Variants in IL1RAP observed in about 807,000 individuals in gnomAD.
The protein encoded by IL1RAP is interleukin 1 receptor accessory protein, also known as interleukin-1 receptor accessory protein.
Under a neutral mutation model 60.7 loss-of-function variants are expected in IL1RAP, and 35 were observed. That is an observed-to-expected ratio of 0.58 (90% confidence interval 0.44 to 0.76). IL1RAP has a LOEUF of 0.76. IL1RAP is among the 30% of genes least tolerant of loss of function. The probability of loss-of-function intolerance (pLI) is 0.00; values close to 1 mark genes in which losing one functional copy is unlikely to be tolerated. For synonymous variants in IL1RAP, 268 were observed against 250.9 expected, an observed-to-expected ratio of 1.07 and a Z score of -0.64; for missense variants, 572 against 693.9, an observed-to-expected ratio of 0.82 and a Z score of 1.97.
In IL1RAP at chr3:190,649,057, T is replaced by G. The variant is rs1410756633; in HGVS notation, c.*352T>G. ...GAGCAGCCTTTCCTATGAATTTAAA[T>G]ATGCCTTTAAAATAAGTCACTGTTG... On this transcript the variant is annotated 3_prime_UTR_variant, in exon 12 of 12. Coordinates refer to ENST00000447382, the MANE Select transcript of IL1RAP (RefSeq NM_002182.4). 1 of 999,788 alleles carries G rather than the reference T, an allele frequency of 1.0e-6. No homozygotes were observed. Among genetic ancestry groups the G allele is most frequent in the Non-Finnish European group, 1.2e-6 (1 of 839,674 alleles). 61.9% of individuals were successfully genotyped at this position (999,788 alleles called of 1,614,324 possible). A position where few individuals can be genotyped will look rare whatever the true frequency, so the allele number is the denominator to read the frequency against.
intron 1 of IL1RAP, among the ~76,000 whole-genome samples, chr3:190,545,065 T>C (rs1724254086): frequency 1.3e-5 from 2 of 152,230 alleles, no homozygotes; most frequent in Non-Finnish European, 2.9e-5. Flanking sequence ...TCTATTTACC[T>C]ACCAGGATTT....
At chr3:190,637,833 G>GT (rs372264613) in intron 9 of IL1RAP, among the ~76,000 whole-genome samples, 9,870 of 148,578 alleles carry the variant, frequency 0.066, 478 homozygotes, top group African/African-American at 0.13. Flanking sequence ...TTTTAGAATA[G>GT]TTTTTTTTTT....
At chr3:190,517,251 AT>A (rs149107571) in intron 1 of IL1RAP, among the ~76,000 whole-genome samples, 5,561 of 152,342 alleles carry the variant, frequency 0.037, 134 homozygotes, top group Non-Finnish European at 0.054. Context: ...CTAAGAAGAC[AT>A]AAAGTACAGA....
At position 190,641,257 on chromosome 3, in the gene IL1RAP, G is replaced by T. The variant is rs149309097; in HGVS notation, c.1052-2991G>T. 8.2e-3 allele frequency among the ~76,000 whole-genome samples: 1,253 copies of T among 152,266 alleles called. 22 individuals are homozygous for T. Among genetic ancestry groups the T allele is most frequent in the African/African-American group, 0.029 (1,197 of 41,542 alleles). On this transcript the variant is annotated intron_variant, in intron 9 of 11. Transcript: ENST00000447382. Reference sequence around the variant, plus strand: ...TGGGGTTACAGGCGTGAGCCACTGCGCCCGGCCTCTGATAGGAAATTCTTT... The same window carrying T: ...TGGGGTTACAGGCGTGAGCCACTGCTCCCGGCCTCTGATAGGAAATTCTTT...
At chr3:190,537,473 G>A (rs9876551) in intron 1 of IL1RAP, among the ~76,000 whole-genome samples, 15,138 of 152,094 alleles carry the variant, frequency 0.1, 1,071 homozygotes, top group East Asian at 0.36. Context: ...CAGTAAATAC[G>A]AATGATTTGT....
intron 3 of IL1RAP, among the ~76,000 whole-genome samples, chr3:190,590,462 C>A (rs1728849055): frequency 6.6e-6 from 1 of 152,040 alleles, no homozygotes; most frequent in Non-Finnish European, 1.5e-5. Flanking sequence ...ACCATATTGC[C>A]CAAGCCGGTC....
intron 1 of IL1RAP, among the ~76,000 whole-genome samples, chr3:190,538,170 A>G (rs1179626789): frequency 6.6e-6 from 1 of 152,096 alleles, no homozygotes; most frequent in Non-Finnish European, 1.5e-5. Flanking sequence ...TGGCATCCAC[A>G]GCCCTTTATT....
At chr3:190,573,275 T>G (rs1727156477) in intron 3 of IL1RAP, among the ~76,000 whole-genome samples, 1 of 152,180 alleles carries the variant, frequency 6.6e-6, no homozygotes, top group Admixed American at 6.5e-5. Flanking sequence ...AGTGTAAGAC[T>G]CTGGACCCCC....
Position 190,609,017 on chromosome 3 carries a change from G to T in IL1RAP, c.373G>T (p.Val125Phe). ...CAGGAACACTACATATTGCAGCAAA[G>T]TTGCATTTCCCTTGGAAGTTGTTCA... is the stretch of plus-strand genomic sequence containing the variant. ...MLRNTTYCSK[V>F]AFPLEVVQKD... The change falls in exon 5 of 12, where the codon GTT becomes TTT. Residue 125 changes from valine (V) to phenylalanine (F), a missense_variant. Coordinates refer to ENST00000447382, the MANE Select transcript of IL1RAP (RefSeq NM_002182.4). The T allele has an allele frequency of 6.2e-7, 1 of 1,613,090 alleles. No individual in the cohort carries two copies. The highest frequency in any genetic ancestry group is 8.5e-7 in the Non-Finnish European group (1 of 1,179,444).
intron 9 of IL1RAP, among the ~76,000 whole-genome samples, chr3:190,641,112 T>C (rs1294704296): frequency 1.3e-5 from 2 of 152,114 alleles, no homozygotes; most frequent in African/African-American, 4.8e-5. Flanking sequence ...ATTACAGGCA[T>C]GCGCCACCAC....
chr3:190,520,608 A>T (rs1010081232), intron 1 of IL1RAP: 2 of 152,214 alleles, frequency 1.3e-5, no homozygotes. Context: ...GGAAGTTTCC[A>T]TTGAAGTGGG....
chr3:190,641,057 C>T (rs1167299674), intron 9 of IL1RAP, among the ~76,000 whole-genome samples: 2 of 152,134 alleles, frequency 1.3e-5, no homozygotes, highest in Non-Finnish European at 2.9e-5. Context: ...CCTCCGCCTC[C>T]CAGGTTCAAG....
In IL1RAP at chr3:190,648,387, G is replaced by A. The variant is rs1308095251; in HGVS notation, c.1395G>A (p.Leu465=). The part of the protein sequence containing the change: ...LSFIQKSRRL[L]VVLSPNYVLQ... ...TCATTCAGAAAAGCAGACGCCTCCT[G>A]GTTGTTCTAAGCCCCAACTACGTGC... is the stretch of plus-strand genomic sequence containing the variant. Residue 465 remains leucine (L), a synonymous_variant, in exon 12 of 12, where the codon CTG becomes CTA. Transcript: ENST00000447382. 6.2e-7 allele frequency: 1 copy of A among 1,609,744 alleles called. No homozygotes were observed. Among genetic ancestry groups the A allele is most frequent in the Admixed American group, 1.7e-5 (1 of 58,756 alleles).
intron 4 of IL1RAP, among the ~76,000 whole-genome samples, chr3:190,608,462 G>A (rs1237136564): frequency 2.0e-5 from 3 of 152,168 alleles, no homozygotes; most frequent in African/African-American, 4.8e-5. Context: ...AGGACTGGAA[G>A]TTGTTCTGGG....
intron 5 of IL1RAP, among the ~76,000 whole-genome samples, chr3:190,614,617 AG>A (rs1160154083): frequency 6.6e-6 from 1 of 152,200 alleles, no homozygotes; most frequent in Non-Finnish European, 1.5e-5. Context: ...AGCGTGGTTG[AG>A]AAATATTTCC....
chr3:190,590,961 C>A (rs1489159252), intron 3 of IL1RAP, among the ~76,000 whole-genome samples: 1 of 152,128 alleles, frequency 6.6e-6, no homozygotes, highest in Non-Finnish European at 1.5e-5. Context: ...TTGTGTTACT[C>A]AAGTTATCTT....
intron 3 of IL1RAP, among the ~76,000 whole-genome samples, chr3:190,598,805 C>G (rs1450932831): frequency 2.0e-5 from 3 of 152,114 alleles, no homozygotes; most frequent in Non-Finnish European, 4.4e-5. Context: ...AGGATAATCT[C>G]ACTGAAACTG....
intron 3 of IL1RAP, among the ~76,000 whole-genome samples, chr3:190,574,229 A>C (rs1472572687): frequency 1.3e-5 from 2 of 152,068 alleles, no homozygotes; most frequent in Non-Finnish European, 2.9e-5. Context: ...GTTGCAAATA[A>C]AATTTCAAGG....
At chr3:190,582,567 C>G (rs1728098731) in intron 3 of IL1RAP, among the ~76,000 whole-genome samples, 1 of 152,148 alleles carries the variant, frequency 6.6e-6, no homozygotes, top group Admixed American at 6.5e-5. Flanking sequence ...ATCCACCCGC[C>G]TCGGCCTCCC....
Sources: gnomAD v4.1 joint callset for allele counts (sites outside exome capture counted in the v4.1 genomes callset) on GRCh38, gnomAD v4.1.1 for gene constraint, MANE v1.5 for transcripts, NCBI Gene and HGNC (gene_info 2026-07-23, HGNC 2026-07-21) for gene names.